Variants in HAO1 observed in about 807,000 individuals in gnomAD.
HAO1 encodes hydroxyacid oxidase 1.
In HAO1, 34 loss-of-function variants were observed where a neutral mutation model predicts 39.7. The ratio of observed to expected loss-of-function variants is 0.86; its 90% confidence interval spans 0.65 to 1.14. The LOEUF is 1.14. HAO1 is among the 50% of genes most tolerant of loss of function. The probability of loss-of-function intolerance (pLI) is 0.00; values close to 1 mark genes in which losing one functional copy is unlikely to be tolerated. For synonymous variants in HAO1, 172 were observed against 173.2 expected (o/e 0.99, Z 0.05); for missense variants, 479 against 464.5 (o/e 1.03, Z -0.29).
At chr20:7,915,853 A>G (rs1600115206) in intron 2 of HAO1, among the ~76,000 whole-genome samples, 1 of 152,224 alleles carries the variant, frequency 6.6e-6, no homozygotes, top group East Asian at 1.9e-4. Context: ...ATCTAAACAA[A>G]CTACATGCTA....
At chr20:7,893,652 G>C (rs534392139) in intron 5 of HAO1, among the ~76,000 whole-genome samples, 1 of 152,088 alleles carries the variant, frequency 6.6e-6, no homozygotes, top group South Asian at 2.1e-4. Context: ...CAGAGCAAGA[G>C]GACAATTCGA....
rs2050137126 is a variant in HAO1 at position 7,883,507 on chromosome 20, A to G, written c.*86T>C. 1.1e-6 allele frequency: 1 copy of G among 940,926 alleles called. No individual in the cohort carries two copies. The highest frequency in any genetic ancestry group is 1.3e-5 in the South Asian group (1 of 77,180). The allele number at this position is 940,926 out of a possible 1,614,324, so 58.3% of individuals were successfully genotyped here. On this transcript the variant is annotated 3_prime_UTR_variant, in exon 8 of 8. Coordinates refer to ENST00000378789, the MANE Select transcript of HAO1 (RefSeq NM_017545.3). ...TTTGTATTGAAGTGGGGAATTACAG[A>G]CTGTGGTCACCCTCTGCACAGTGTC...
intron 3 of HAO1, among the ~76,000 whole-genome samples, chr20:7,912,775 C>T (rs1215838805): frequency 1.3e-5 from 2 of 152,100 alleles, no homozygotes; most frequent in Non-Finnish European, 2.9e-5. Context: ...GTTTTATTGG[C>T]CAGTTTGGCA....
intron 2 of HAO1, among the ~76,000 whole-genome samples, chr20:7,915,399 G>T (rs2050302248): frequency 6.6e-6 from 1 of 151,922 alleles, no homozygotes; most frequent in Non-Finnish European, 1.5e-5. Flanking sequence ...AAGGGGAAGA[G>T]GAAGGGGAAG....
chr20:7,894,524 A>T (rs2050188182), intron 5 of HAO1, among the ~76,000 whole-genome samples: 1 of 152,134 alleles, frequency 6.6e-6, no homozygotes. Flanking sequence ...GGATTCTTTA[A>T]AGTTCCCCAG....
chr20:7,922,521 T>C (rs2050338297), intron 2 of HAO1, among the ~76,000 whole-genome samples: 1 of 152,126 alleles, frequency 6.6e-6, no homozygotes, highest in Admixed American at 6.6e-5. Flanking sequence ...TGGAATCTTC[T>C]CCAATTCCAA....
intron 3 of HAO1, among the ~76,000 whole-genome samples, chr20:7,912,666 C>T (rs910601733): frequency 1.9e-4 from 29 of 151,778 alleles, no homozygotes; most frequent in African/African-American, 6.0e-4. Flanking sequence ...AGCTTTCTGA[C>T]GAATTTGGCA....
intron 2 of HAO1, among the ~76,000 whole-genome samples, chr20:7,932,883 T>C (rs2050391829): frequency 6.6e-6 from 1 of 152,196 alleles, no homozygotes; most frequent in Admixed American, 6.5e-5. Context: ...TCACATGGAA[T>C]TTACATTTTT....
intron 3 of HAO1, among the ~76,000 whole-genome samples, chr20:7,907,784 T>C (rs1054991872): frequency 2.6e-5 from 4 of 152,132 alleles, no homozygotes; most frequent in Non-Finnish European, 4.4e-5. Flanking sequence ...GGGCAATGTC[T>C]TTTCAGCCTG....
intron 3 of HAO1, among the ~76,000 whole-genome samples, chr20:7,913,100 AAC>A (rs1478964739): frequency 6.6e-6 from 1 of 151,944 alleles, no homozygotes; most frequent in Non-Finnish European, 1.5e-5. Flanking sequence ...TAGAAGAGTA[AAC>A]ACAGTATGTT....
Position 7,914,415 on chromosome 20 carries a change from A to T in HAO1, c.294T>A (p.Cys98Ter). The T allele has an allele frequency of 6.2e-7, 1 of 1,613,052 alleles. No individual in the cohort carries two copies. Among genetic ancestry groups the T allele is most frequent in the Non-Finnish European group, 8.5e-7 (1 of 1,179,398 alleles). Residue 98 changes from cysteine (C) to a stop codon, truncating the protein, a stop_gained, in exon 3 of 8, where the codon TGT becomes TGA. Coordinates refer to ENST00000378789, the MANE Select transcript of HAO1 (RefSeq NM_017545.3). LOFTEE classifies it high-confidence loss of function. ...ACATCATGCCCGTTCCCAGGGACTGACAGGCTGAGAAAGAAAGGGGATGAT... is the reference window on the plus strand; with the variant it reads ...ACATCATGCCCGTTCCCAGGGACTGTCAGGCTGAGAAAGAAAGGGGATGAT... ...VDGELATVRACQSLGTGMMLS... is the reference protein window; with the variant it reads ...VDGELATVRA
chr20:7,924,223 G>GTTGTTGTTGTTGTTGT (rs141089245), intron 2 of HAO1, among the ~76,000 whole-genome samples: 1 of 149,846 alleles, frequency 6.7e-6, no homozygotes, highest in African/African-American at 2.5e-5. Context: ...TGTTGTTGTT[G>GTTGTTGTTGTTGTTGT]TTGTTTGTTT....
chr20:7,930,246 A>C (rs1033186134), intron 2 of HAO1, among the ~76,000 whole-genome samples: 7 of 142,528 alleles, frequency 4.9e-5, no homozygotes, highest in African/African-American at 1.9e-4. Context: ...GGAGGGTAAC[A>C]AAAAAAAAAA....
intron 2 of HAO1, among the ~76,000 whole-genome samples, chr20:7,924,194 GTGT>G (rs3835201): frequency 0.098 from 14,601 of 148,612 alleles, 757 homozygotes; most frequent in Non-Finnish European, 0.12. Flanking sequence ...AGTTTGGGTT[GTGT>G]TGTTGTTGTT....
chr20:7,919,091 T>G (rs1366175286), intron 2 of HAO1, among the ~76,000 whole-genome samples: 1 of 152,212 alleles, frequency 6.6e-6, no homozygotes, highest in African/African-American at 2.4e-5. Context: ...TGAGGTCATA[T>G]TAACATAAAG....
chr20:7,932,933 A>T (rs2122798755), intron 2 of HAO1, among the ~76,000 whole-genome samples: 1 of 152,264 alleles, frequency 6.6e-6, no homozygotes, highest in African/African-American at 2.4e-5. Context: ...TTCTAGGAAG[A>T]TTATTCCACT....
chr20:7,929,311 G>T (rs1428603460), intron 2 of HAO1, among the ~76,000 whole-genome samples: 2 of 152,118 alleles, frequency 1.3e-5, no homozygotes, highest in Non-Finnish European at 1.5e-5. Flanking sequence ...TGGGCTCTGA[G>T]GGGCAAATAA....
rs761336501 is a variant in HAO1, at chr20:7,885,826, C to G, written c.852G>C (p.Gly284=). 1 of 1,613,720 alleles carries G rather than the reference C, an allele frequency of 6.2e-7. No individual in the cohort carries two copies. Among genetic ancestry groups the G allele is most frequent in the Admixed American group, 1.7e-5 (1 of 60,000 alleles). The change falls in exon 6 of 8, where the codon GGG becomes GGC. Residue 284 remains glycine, a synonymous_variant. Coordinates refer to ENST00000378789, the MANE Select transcript of HAO1 (RefSeq NM_017545.3). ...VLPEIVEAVE[G]KVEVFLDGGV... is the part of the protein sequence containing the mutation. The stretch of plus-strand genomic sequence containing the variant: ...CCCCGTCCAGGAAGACTTCCACCTT[C>G]CCTTCCACAGCCTCCACAATTTCTG...
intron 5 of HAO1, among the ~76,000 whole-genome samples, chr20:7,889,935 T>C (rs545904053): frequency 6.6e-6 from 1 of 152,270 alleles, no homozygotes; most frequent in South Asian, 2.1e-4. Context: ...GCTGCCTCCA[T>C]GGCTCTGACT....
Sources: gnomAD v4.1 joint callset for allele counts (sites outside exome capture counted in the v4.1 genomes callset) on GRCh38, gnomAD v4.1.1 for gene constraint, MANE v1.5 for transcripts, NCBI Gene and HGNC (gene_info 2026-07-23, HGNC 2026-07-21) for gene names.